MPPED2: variants seen among roughly 807,000 people sequenced by gnomAD.
MPPED2 encodes metallophosphoesterase MPPED2.
Under a neutral mutation model 33.0 loss-of-function variants are expected in MPPED2, and 5 were observed. The ratio of observed to expected loss-of-function variants is 0.15; its 90% CI spans 0.08 to 0.32. MPPED2 has a LOEUF of 0.32. Ranked by LOEUF, MPPED2 falls within the 10% of genes least tolerant of loss-of-function variation. The pLI is 1.00. For synonymous variants in MPPED2, 136 were observed against 141.9 expected (o/e 0.96, Z 0.29); for missense variants, 275 against 372.1 (o/e 0.74, Z 2.15).
At chr11:30,483,994 C>G (rs1308509911) in intron 4 of MPPED2, among the ~76,000 whole-genome samples, 1 of 152,148 alleles carries the variant, frequency 6.6e-6, no homozygotes, top group Admixed American at 6.6e-5. Context: ...AAGTTCATTA[C>G]CAAGTTTAGG....
chr11:30,396,154 G>A (rs1327051626), intron 6 of MPPED2, among the ~76,000 whole-genome samples: 1 of 152,068 alleles, frequency 6.6e-6, no homozygotes, highest in Non-Finnish European at 1.5e-5. Context: ...ACTAAGAAAG[G>A]AACACTGTCC....
chr11:30,565,926 A>G (rs1956422366), intron 2 of MPPED2, among the ~76,000 whole-genome samples: 1 of 152,172 alleles, frequency 6.6e-6, no homozygotes, highest in African/African-American at 2.4e-5. Flanking sequence ...CTGCCATACC[A>G]ATACTGTTAT....
At chr11:30,552,245 A>G (rs1010789287) in intron 2 of MPPED2, among the ~76,000 whole-genome samples, 8 of 152,250 alleles carry the variant, frequency 5.3e-5, no homozygotes, top group African/African-American at 1.7e-4. Context: ...AACAGGAGCC[A>G]TCTGCGAAGC....
chr11:30,462,725 C>A (rs187654245), intron 4 of MPPED2, among the ~76,000 whole-genome samples: 12 of 151,990 alleles, frequency 7.9e-5, no homozygotes, highest in Admixed American at 3.3e-4. Flanking sequence ...TCCATATAAT[C>A]GATTAAATAA....
chr11:30,406,316 A>T (rs1358153877), downstream of MPPED2, among the ~76,000 whole-genome samples: 1 of 152,234 alleles, frequency 6.6e-6, no homozygotes, highest in Non-Finnish European at 1.5e-5. Flanking sequence ...TGTCAAGCTG[A>T]AAAATCAGTT....
chr11:30,468,709 G>A (rs916153870), intron 4 of MPPED2, among the ~76,000 whole-genome samples: 1 of 152,076 alleles, frequency 6.6e-6, no homozygotes, highest in Admixed American at 6.6e-5. Flanking sequence ...AATCACACCA[G>A]GAACTCTGTT....
At chr11:30,463,054 C>A (rs1210154556) in intron 4 of MPPED2, among the ~76,000 whole-genome samples, 1 of 152,170 alleles carries the variant, frequency 6.6e-6, no homozygotes, top group Non-Finnish European at 1.5e-5. Flanking sequence ...GCAATTGAAT[C>A]TGTCCATTTT....
At chr11:30,404,661 T>G (rs2133714045) in intron 6 of MPPED2, among the ~76,000 whole-genome samples, 1 of 152,332 alleles carries the variant, frequency 6.6e-6, no homozygotes, top group Non-Finnish European at 1.5e-5. Flanking sequence ...CTTTCTTTTA[T>G]TGTTGTCTTA....
chr11:30,548,766 T>A (rs1955563954), intron 2 of MPPED2, among the ~76,000 whole-genome samples: 1 of 152,164 alleles, frequency 6.6e-6, no homozygotes, highest in African/African-American at 2.4e-5. Flanking sequence ...GAGAGAGTCA[T>A]GAAAGGATCA....
chr11:30,407,211 T>G (rs1455624699), downstream of MPPED2, among the ~76,000 whole-genome samples: 1 of 152,100 alleles, frequency 6.6e-6, no homozygotes, highest in East Asian at 1.9e-4. Flanking sequence ...CCTCCCAACA[T>G]AAGACAAAAG....
intron 6 of MPPED2, among the ~76,000 whole-genome samples, chr11:30,390,788 G>A (rs765893645): frequency 4.6e-5 from 7 of 152,326 alleles, no homozygotes; most frequent in Admixed American, 3.3e-4. Context: ...CCCAAAGGTT[G>A]AGATGGCTGC....
intron 2 of MPPED2, among the ~76,000 whole-genome samples, chr11:30,576,381 A>G (rs1481537686): frequency 2.6e-5 from 4 of 152,206 alleles, no homozygotes. Context: ...CAGAAGGCGC[A>G]GATAAGGAAA....
intron 6 of MPPED2, among the ~76,000 whole-genome samples, chr11:30,395,903 C>T (rs1207831725): frequency 6.6e-6 from 1 of 152,096 alleles, no homozygotes; most frequent in African/African-American, 2.4e-5. Flanking sequence ...GACTCTTTGG[C>T]TTAAACCATC....
At chr11:30,441,920 A>G (rs1209857103) in intron 4 of MPPED2, among the ~76,000 whole-genome samples, 1 of 152,206 alleles carries the variant, frequency 6.6e-6, no homozygotes, top group East Asian at 1.9e-4. Context: ...TGTAAGTTCC[A>G]TGCGGCAGAA....
intron 4 of MPPED2, among the ~76,000 whole-genome samples, chr11:30,467,919 T>A (rs1249657520): frequency 6.6e-6 from 1 of 152,076 alleles, no homozygotes; most frequent in Non-Finnish European, 1.5e-5. Context: ...TGCTTACTGA[T>A]GCTATGGCAG....
intron 3 of MPPED2, among the ~76,000 whole-genome samples, chr11:30,515,853 A>T (rs1953504862): frequency 6.6e-6 from 1 of 152,194 alleles, no homozygotes; most frequent in African/African-American, 2.4e-5. Context: ...TCAAGCGAAG[A>T]TCACAATCAT....
rs549653696 is a variant in MPPED2 at position 30,573,179 on chromosome 11, T to A, written c.128+7067A>T. ...CATATATGAAGGTGGTACCATAAGA[T>A]TACAATGGAGTTGAAAATTTTCTAT... On this transcript the variant is annotated intron_variant, in intron 2 of 6. Coordinates refer to ENST00000358117, the MANE Select transcript of MPPED2 (RefSeq NM_001584.3). Among the ~76,000 whole-genome samples the A allele has an allele frequency of 3.3e-5, 5 of 152,302 alleles. No homozygotes were observed. In the South Asian group the frequency reaches 8.3e-4, roughly 25 times the overall value.
At chr11:30,531,187 C>A (rs1954503099) in intron 3 of MPPED2, among the ~76,000 whole-genome samples, 1 of 152,156 alleles carries the variant, frequency 6.6e-6, no homozygotes, top group African/African-American at 2.4e-5. Context: ...AAAAGTATTT[C>A]TTTAAGAAGG....
intron 2 of MPPED2, among the ~76,000 whole-genome samples, chr11:30,571,050 T>G (rs1956666292): frequency 6.6e-6 from 1 of 152,186 alleles, no homozygotes; most frequent in Non-Finnish European, 1.5e-5. Flanking sequence ...ACAGAGGAAC[T>G]TCGGTAATGG....
Sources: allele counts gnomAD v4.1 joint callset (sites outside exome capture counted in the v4.1 genomes callset), GRCh38; gene constraint gnomAD v4.1.1; transcripts MANE v1.5; gene names NCBI Gene and HGNC (gene_info 2026-07-23, HGNC 2026-07-21).